CDH23: variants seen among roughly 807,000 people sequenced by gnomAD.
The protein encoded by CDH23 is cadherin-23.
In CDH23, 189 loss-of-function variants were observed where a neutral mutation model predicts 317.1. The observed-to-expected ratio is 0.60, with a 90% confidence interval of 0.53 to 0.67. The LOEUF (loss-of-function observed/expected upper bound fraction) is 0.67, where lower values mean the gene tolerates loss of function less well. Ranked by LOEUF, CDH23 falls within the 30% of genes least tolerant of loss-of-function variation. The pLI is 0.00. For missense variants in CDH23, 4,401 were observed against 4,592.4 expected (o/e 0.96, Z 1.20); for synonymous variants, 1,839 against 1,876.8 (o/e 0.98, Z 0.52).
Position 71,813,244 on chromosome 10 carries a change from G to A in CDH23, c.9634G>A (p.Gly3212Ser). The change falls in exon 69 of 70, where the codon GGC becomes AGC. Residue 3212 changes from glycine (G) to serine (S), a missense_variant and splice_region_variant. Around this residue, in one of 3 missense-constraint regions of CDH23, gnomAD observed 1,144 missense variants for 1,138.2 expected, o/e 1.01. Coordinates refer to ENST00000224721, the MANE Select transcript of CDH23 (RefSeq NM_022124.6). ...GQIIREGPIKGSLLKVVLEDY... is the reference protein window; with the variant it reads ...GQIIREGPIKSSLLKVVLEDY... ...GGGGTTAACCCTTTCCCTCCCCCAG[G>A]GCTCGCTGCTGAAGGTGGTCCTGGA... 6.4e-7 allele frequency: 1 copy of A among 1,551,554 alleles called. No individual in the cohort carries two copies. The highest frequency in any genetic ancestry group is 8.7e-7 in the Non-Finnish European group (1 of 1,146,954).
chr10:71,419,333 C>T (rs1479432550), intron 1 of CDH23, among the ~76,000 whole-genome samples: 1 of 152,164 alleles, frequency 6.6e-6, no homozygotes, highest in African/African-American at 2.4e-5. Flanking sequence ...CTCTGCTCTC[C>T]CCCTGCTCCC....
chr10:71,464,775 T>C (rs948619336), intron 3 of CDH23, among the ~76,000 whole-genome samples: 6 of 152,146 alleles, frequency 3.9e-5, no homozygotes, highest in Non-Finnish European at 8.8e-5. Context: ...GGAAGCTAGA[T>C]CTCTTTATCA....
At position 71,732,272 on chromosome 10, in the gene CDH23, G is replaced by C; in HGVS notation, c.4001G>C (p.Arg1334Pro). The C allele has an allele frequency of 6.2e-7, 1 of 1,613,414 alleles. No individual in the cohort carries two copies. Among genetic ancestry groups the C allele is most frequent in the Non-Finnish European group, 8.5e-7 (1 of 1,179,628 alleles). The change falls in exon 32 of 70, where the codon CGG becomes CCG. Residue 1334 changes from arginine (R) to proline (P), a missense_variant. Arg to Pro is a moderately radical substitution (Grantham distance 103, BLOSUM62 -2). Transcript: ENST00000224721. ...ENLALGTEIVRVQAYSIDNLN... is the reference protein window; with the variant it reads ...ENLALGTEIVPVQAYSIDNLN... The stretch of plus-strand genomic sequence containing the variant: ...CTGGCACTGGGTACTGAGATTGTGC[G>C]GGTCCAGGCCTACTCCATCGACAAC...
intron 6 of CDH23, among the ~76,000 whole-genome samples, chr10:71,537,119 C>T (rs1855747341): frequency 6.6e-6 from 1 of 152,070 alleles, no homozygotes; most frequent in Non-Finnish European, 1.5e-5. Flanking sequence ...CCTTCATGGG[C>T]CCATGGCTGA....
At chr10:71,523,599 GAAAT>G (rs1469354918) in intron 6 of CDH23, among the ~76,000 whole-genome samples, 1 of 152,158 alleles carries the variant, frequency 6.6e-6, no homozygotes, top group Non-Finnish European at 1.5e-5. Context: ...CAGCCGGGGG[GAAAT>G]AAATAAATAA....
chr10:71,430,557 C>T (rs367927622), intron 1 of CDH23, among the ~76,000 whole-genome samples: 2 of 152,172 alleles, frequency 1.3e-5, no homozygotes, highest in Non-Finnish European at 2.9e-5. Context: ...GCCTGTAATC[C>T]CAGCACTTTG....
chr10:71,400,958 T>G lies in CDH23; in HGVS notation c.-6+3640T>G, dbSNP rs533535418. ...TTGTTTTCAAATTCAGTTTTAGTTGTTTTTTAAACATTGTATTTTATTTTA... is the reference window on the plus strand; with the variant it reads ...TTGTTTTCAAATTCAGTTTTAGTTGGTTTTTAAACATTGTATTTTATTTTA... On this transcript the variant is annotated intron_variant, in intron 1 of 69. Transcript: ENST00000224721. 2.0e-5 allele frequency among the ~76,000 whole-genome samples: 3 copies of G among 152,362 alleles called. No homozygotes were observed. The East Asian group carries it at 5.8e-4, about 29-fold the overall frequency.
intron 11 of CDH23, among the ~76,000 whole-genome samples, chr10:71,625,056 GA>G (rs1564694797): frequency 6.6e-6 from 1 of 152,018 alleles, no homozygotes; most frequent in Non-Finnish European, 1.5e-5. Context: ...CCAATATGGG[GA>G]AAACGGCTCT....
intron 38 of CDH23, among the ~76,000 whole-genome samples, chr10:71,765,128 G>A (rs1840502098): frequency 6.6e-6 from 1 of 152,216 alleles, no homozygotes; most frequent in Non-Finnish European, 1.5e-5. Flanking sequence ...TGCCCCAAGG[G>A]GGCCCTGTGC....
Position 71,789,038 on chromosome 10 carries a change from C to A in CDH23, c.5919C>A (p.Pro1973=). The A allele has an allele frequency of 6.5e-7, 1 of 1,533,624 alleles. No homozygotes were observed. The highest frequency in any genetic ancestry group is 1.1e-5 in the South Asian group (1 of 89,436). ...TYQAEVMENS[P]AGTPLTVLNG... ...AGGCAGAGGTGATGGAAAACTCTCCCGCTGGTAGGTGCTGGGCCCACCCGG... is the reference window on the plus strand; with the variant it reads ...AGGCAGAGGTGATGGAAAACTCTCCAGCTGGTAGGTGCTGGGCCCACCCGG... The change falls in exon 45 of 70, where the codon CCC becomes CCA. Residue 1973 remains proline (P), a synonymous_variant. Transcript: ENST00000224721.
chr10:71,712,523 GA>G (rs2132759756), intron 27 of CDH23, 141 bp from the exon 28 acceptor site: 2 of 774,876 alleles, frequency 2.6e-6, no homozygotes, highest in South Asian at 3.6e-5. Flanking sequence ...AGCTAAAAAG[GA>G]AGTCACCCCT....
At position 71,815,648 on chromosome 10, in the gene CDH23, T is replaced by G; in HGVS notation, c.*370T>G. 4 of 182,186 alleles carry G rather than the reference T, an allele frequency of 2.2e-5. No individual in the cohort carries two copies. Among genetic ancestry groups the G allele is most frequent in the Admixed American group, 1.1e-4 (2 of 17,458 alleles). The allele number at this position is 182,186 out of a possible 1,614,324, so 11.3% of individuals were successfully genotyped here. A position where few individuals can be genotyped will look rare whatever the true frequency, so the allele number is the denominator to read the frequency against. ...TCCCAGCTCCACCCCGCAAGCACCA[T>G]CCCCTCCGGCTAAGCAGGCGCAAGG... is the stretch of plus-strand genomic sequence containing the variant. On this transcript the variant is annotated 3_prime_UTR_variant, in exon 70 of 70. Coordinates refer to ENST00000224721, the MANE Select transcript of CDH23 (RefSeq NM_022124.6).
intron 55 of CDH23, 89 bp from the exon 56 acceptor site, chr10:71,805,717 G>T: frequency 7.6e-7 from 1 of 1,318,206 alleles, no homozygotes; most frequent in South Asian, 1.5e-5. Flanking sequence ...ATTCTGCTAC[G>T]GCAGGAGAAA....
rs566759206 is a variant in CDH23 at position 71,708,509 on chromosome 10, T to C, written c.3107-589T>C. Among the ~76,000 whole-genome samples, 172 of 152,298 alleles carry C rather than the reference T, an allele frequency of 1.1e-3. 1 individual carries two copies. The highest frequency in any genetic ancestry group is 4.0e-3 in the African/African-American group (165 of 41,560). On this transcript the variant is annotated intron_variant, in intron 26 of 69. Coordinates refer to ENST00000224721, the MANE Select transcript of CDH23 (RefSeq NM_022124.6). The stretch of plus-strand genomic sequence containing the variant: ...AGGAGACCCTCACACTTCCCACCTG[T>C]CCCAGAACTCAAGGAGACTCAGTAA...
At chr10:71,490,011 G>C (rs1005701928) in intron 3 of CDH23, among the ~76,000 whole-genome samples, 1 of 151,708 alleles carries the variant, frequency 6.6e-6, no homozygotes, top group Non-Finnish European at 1.5e-5. Context: ...GTTCTTTGGG[G>C]TGCCTGCTTG....
At chr10:71,543,579 G>A (rs1293146293) in intron 6 of CDH23, among the ~76,000 whole-genome samples, 3 of 152,258 alleles carry the variant, frequency 2.0e-5, no homozygotes, top group Admixed American at 2.0e-4. Context: ...GAGGGAGGAA[G>A]TCAACCATTT....
At chr10:71,460,531 C>T (rs879355522) in intron 3 of CDH23, among the ~76,000 whole-genome samples, 15 of 152,242 alleles carry the variant, frequency 9.9e-5, no homozygotes, top group Non-Finnish European at 2.1e-4. Context: ...GAGTGTTGAA[C>T]CTGCTTTGCC....
intron 14 of CDH23, among the ~76,000 whole-genome samples, chr10:71,667,326 G>A (rs1003946185): frequency 4.0e-5 from 6 of 151,438 alleles, no homozygotes; most frequent in Admixed American, 1.3e-4. Context: ...GAGACAAGTA[G>A]GGGTGCTGCT....
intron 1 of CDH23, among the ~76,000 whole-genome samples, chr10:71,425,549 G>A (rs530948573): frequency 6.6e-6 from 1 of 152,342 alleles, no homozygotes; most frequent in East Asian, 1.9e-4. Context: ...CCCATCTGCA[G>A]GACAGTGCTA....
Sources: gnomAD v4.1 joint callset for allele counts (sites outside exome capture counted in the v4.1 genomes callset) on GRCh38, gnomAD v4.1.1 for gene constraint, gnomAD v4.1.1 regional missense constraint, MANE v1.5 for transcripts, NCBI Gene and HGNC (gene_info 2026-07-23, HGNC 2026-07-21) for gene names.